BANP: variants seen among roughly 807,000 people sequenced by gnomAD.
The protein encoded by BANP is protein BANP.
A neutral mutation model predicts 68.1 loss-of-function variants in BANP; 11 were observed. The observed-to-expected ratio is 0.16, with a 90% CI of 0.10 to 0.27. The LOEUF (loss-of-function observed/expected upper bound fraction) is 0.27. Ranked by LOEUF, BANP falls within the 10% of genes least tolerant of loss-of-function variation. The probability of loss-of-function intolerance (pLI) is 1.00; values close to 1 mark genes in which losing one functional copy is unlikely to be tolerated. For synonymous variants in BANP, 329 were observed against 303.2 expected (o/e 1.09, Z -0.88); for missense variants, 504 against 722.7 (o/e 0.70, Z 3.47).
intron 7 of BANP, among the ~76,000 whole-genome samples, chr16:88,027,185 A>G (rs1209737058): frequency 2.0e-5 from 3 of 152,206 alleles, no homozygotes; most frequent in Admixed American, 6.5e-5. Context: ...GAGAGCCCCA[A>G]GTGTGCACCT....
chr16:87,985,885 A>G (rs1390299109), intron 4 of BANP, among the ~76,000 whole-genome samples: 1 of 152,266 alleles, frequency 6.6e-6, no homozygotes, highest in African/African-American at 2.4e-5. Flanking sequence ...AGTTGAATTC[A>G]TGGAAAATTC....
At chr16:87,978,075 A>C (rs565176231) in intron 2 of BANP, among the ~76,000 whole-genome samples, 5 of 152,302 alleles carry the variant, frequency 3.3e-5, no homozygotes, top group South Asian at 2.1e-4. Flanking sequence ...ACCTCAGGTG[A>C]TCCACTCACC....
chr16:87,985,312 A>C (rs57647100), intron 4 of BANP, among the ~76,000 whole-genome samples: 1 of 151,882 alleles, frequency 6.6e-6, no homozygotes, highest in Non-Finnish European at 1.5e-5. Flanking sequence ...TGGAGTTGGC[A>C]TCTCAGTTCG....
intron 4 of BANP, among the ~76,000 whole-genome samples, chr16:88,001,257 T>TA (rs1491566524): frequency 2.0e-5 from 2 of 98,626 alleles, no homozygotes; most frequent in Non-Finnish European, 3.9e-5. Context: ...CGGCTGGACT[T>TA]ACCTGTCCTT....
At chr16:87,997,485 G>C (rs753606370) in intron 4 of BANP, among the ~76,000 whole-genome samples, 2 of 152,274 alleles carry the variant, frequency 1.3e-5, no homozygotes, top group Non-Finnish European at 2.9e-5. Context: ...ATGGTAAAGT[G>C]GGTAAAATAG....
intron 7 of BANP, among the ~76,000 whole-genome samples, chr16:88,020,245 C>T (rs545396292): frequency 2.6e-4 from 39 of 152,346 alleles, no homozygotes; most frequent in African/African-American, 8.9e-4. Context: ...CTGAAAGCAG[C>T]CACAGACGAG....
intron 11 of BANP, among the ~76,000 whole-genome samples, chr16:88,045,727 T>C (rs1025792396): frequency 1.1e-4 from 16 of 143,996 alleles, no homozygotes; most frequent in African/African-American, 3.4e-4. Context: ...TCAAATACTC[T>C]TCTTGGCCAC....
At chr16:88,009,093 G>A (rs999863951) in intron 6 of BANP, among the ~76,000 whole-genome samples, 6 of 152,180 alleles carry the variant, frequency 3.9e-5, no homozygotes, top group Non-Finnish European at 7.3e-5. Flanking sequence ...ATCCATTAAT[G>A]TCTCTTATGT....
chr16:88,050,917 G>A (rs946711180), intron 11 of BANP, among the ~76,000 whole-genome samples: 4 of 152,066 alleles, frequency 2.6e-5, no homozygotes, highest in South Asian at 2.1e-4. Context: ...AAACTCCTGC[G>A]CTCAAGCGAT....
chr16:88,041,833 G>T (rs1199326657), intron 11 of BANP, among the ~76,000 whole-genome samples: 1 of 152,246 alleles, frequency 6.6e-6, no homozygotes, highest in Non-Finnish European at 1.5e-5. Flanking sequence ...AGGTGAGTGT[G>T]AGCCTGCACT....
At chr16:87,983,162 C>A (rs556579954) in intron 3 of BANP, among the ~76,000 whole-genome samples, 1 of 152,204 alleles carries the variant, frequency 6.6e-6, no homozygotes. Context: ...AACACGAATT[C>A]TGTGCTGTTT....
intron 11 of BANP, among the ~76,000 whole-genome samples, chr16:88,043,640 A>T (rs920750777): frequency 5.9e-5 from 9 of 152,202 alleles, no homozygotes; most frequent in African/African-American, 2.2e-4. Context: ...TGGTTTGAGT[A>T]GAGGACAGGC....
At chr16:88,028,939 C>A (rs893207965) in intron 8 of BANP, among the ~76,000 whole-genome samples, 1 of 152,166 alleles carries the variant, frequency 6.6e-6, no homozygotes, top group African/African-American at 2.4e-5. Context: ...TTATTTTTCC[C>A]TTTGTCTTTC....
intron 2 of BANP, chr16:87,980,760 C>T (rs2063104313): frequency 2.4e-6 from 1 of 412,676 alleles, no homozygotes; most frequent in Non-Finnish European, 4.4e-6. Flanking sequence ...GGCAGCCCCG[C>T]AGAGCATGGA....
intron 11 of BANP, among the ~76,000 whole-genome samples, chr16:88,039,163 A>G (rs1467936886): frequency 6.6e-6 from 1 of 152,160 alleles, no homozygotes; most frequent in East Asian, 1.9e-4. Flanking sequence ...TTAGTTGGAA[A>G]GTTTCATCTT....
In BANP at chr16:87,962,738, C is replaced by T. The variant is rs936895690; in HGVS notation, c.-69+11223C>T. On this transcript the variant is annotated intron_variant, in intron 1 of 13. Coordinates refer to ENST00000682872, the MANE Select transcript of BANP (RefSeq NM_001386991.1). Reference sequence around the variant, plus strand: ...GACCCCAAGAGTAAGTGGGAGCCGTCGGGAGAAGTGTTCTTGCTTCTTTCT... The same window carrying T: ...GACCCCAAGAGTAAGTGGGAGCCGTTGGGAGAAGTGTTCTTGCTTCTTTCT... Among the ~76,000 whole-genome samples, 3 of 152,244 alleles carry T rather than the reference C, an allele frequency of 2.0e-5. 1 individual carries two copies. The East Asian group carries it at 5.8e-4, about 29-fold the overall frequency.
rs571941878 is a variant in BANP, at chr16:88,057,854, G to A, written c.1312-7413G>A. On this transcript the variant is annotated intron_variant, in intron 11 of 13. Transcript: ENST00000682872. The surrounding 1 kb of genome is among the most constrained non-coding windows in gnomAD (Gnocchi z 4.6). The stretch of plus-strand genomic sequence containing the variant: ...CCGGATGCCCACAGTGAGGAGGTGC[G>A]GGGCACGCAGCGAGCACTTTCCGGA... 3.3e-5 allele frequency among the ~76,000 whole-genome samples: 5 copies of A among 152,192 alleles called. No homozygotes were observed. The highest frequency in any genetic ancestry group is 1.2e-4 in the African/African-American group (5 of 41,518).
chr16:88,012,948 G>T (rs2073562203), intron 6 of BANP, among the ~76,000 whole-genome samples: 1 of 151,928 alleles, frequency 6.6e-6, no homozygotes, highest in Non-Finnish European at 1.5e-5. Flanking sequence ...TTTCCCGACA[G>T]TAGGGAATTC....
chr16:87,961,491 G>T (rs542597998), intron 1 of BANP, among the ~76,000 whole-genome samples: 1 of 149,112 alleles, frequency 6.7e-6, no homozygotes, highest in African/African-American at 2.5e-5. Flanking sequence ...CATATGCATC[G>T]ACCAAAACAA....
Sources: gnomAD v4.1 joint callset for allele counts (sites outside exome capture counted in the v4.1 genomes callset) on GRCh38, gnomAD v4.1.1 for gene constraint, Gnocchi (gnomAD v3.1) non-coding constraint, MANE v1.5 for transcripts, NCBI Gene and HGNC (gene_info 2026-07-23, HGNC 2026-07-21) for gene names.